The following GCC2 variants were observed in gnomAD, a reference collection of about 807,000 sequenced individuals.
GCC2 encodes GRIP and coiled-coil domain-containing protein 2.
GCC2 carries 120 observed loss-of-function variants against 210.6 expected under a neutral mutation model. That is an observed-to-expected ratio of 0.57 (90% CI 0.49 to 0.66). The LOEUF (loss-of-function observed/expected upper bound fraction) is 0.66, where lower values mean the gene tolerates loss of function less well. GCC2 is among the 30% of genes least tolerant of loss of function. The pLI is 0.00. For synonymous variants in GCC2, 703 were observed against 652.7 expected (o/e 1.08, Z -1.17); for missense variants, 1,868 against 1,871.9 (o/e 1.00, Z 0.04).
At chr2:108,457,193 ATTC>A (rs1316008472) in intron 4 of GCC2, among the ~76,000 whole-genome samples, 1 of 152,138 alleles carries the variant, frequency 6.6e-6, no homozygotes, top group Non-Finnish European at 1.5e-5. Flanking sequence ...ACTCACTTTC[ATTC>A]TTCTGCATAT....
intron 4 of GCC2, among the ~76,000 whole-genome samples, chr2:108,460,083 T>G (rs1369314049): frequency 1.3e-5 from 2 of 152,064 alleles, no homozygotes; most frequent in African/African-American, 4.8e-5. Context: ...GCTCCTGACC[T>G]CAGGTGATCC....
rs535928775 is a variant in GCC2 at position 108,465,538 on chromosome 2, A to T, written c.217-3442A>T. 3.3e-5 allele frequency among the ~76,000 whole-genome samples: 5 copies of T among 152,300 alleles called. No individual in the cohort carries two copies. The East Asian group carries it at 9.6e-4, about 29-fold the overall frequency. ...CTCTTTTGCATCTCTAACATCCATTATATCACTCTGTATGGCTTTGCATAC... is the reference window on the plus strand; with the variant it reads ...CTCTTTTGCATCTCTAACATCCATTTTATCACTCTGTATGGCTTTGCATAC... On this transcript the variant is annotated intron_variant, in intron 4 of 22. Transcript: ENST00000309863.
intron 4 of GCC2, among the ~76,000 whole-genome samples, chr2:108,459,513 C>T (rs1219224394): frequency 6.6e-6 from 1 of 151,956 alleles, no homozygotes; most frequent in African/African-American, 2.4e-5. Context: ...GGTCTAAAGT[C>T]TGGTTTAAAT....
intron 17 of GCC2, among the ~76,000 whole-genome samples, chr2:108,488,417 C>T (rs892414434): frequency 5.9e-5 from 9 of 152,044 alleles, no homozygotes; most frequent in African/African-American, 1.5e-4. Context: ...AAGATCTTGT[C>T]GTGGTAGAAA....
At chr2:108,493,852 G>A (rs1197007539) in intron 19 of GCC2, 5 of 985,270 alleles carry the variant, frequency 5.1e-6, no homozygotes, top group Non-Finnish European at 6.0e-6. Flanking sequence ...ATCAGCAGTG[G>A]AATAAGCAGT....
chr2:108,449,674 G>A lies in GCC2; in HGVS notation c.48G>A (p.Gly16=). The A allele has an allele frequency of 6.2e-7, 1 of 1,613,596 alleles. No homozygotes were observed. Among genetic ancestry groups the A allele is most frequent in the Non-Finnish European group, 8.5e-7 (1 of 1,179,570 alleles). Residue 16 remains glycine (G), a synonymous_variant, in exon 2 of 23, where the codon GGG becomes GGA. Coordinates refer to ENST00000309863, the MANE Select transcript of GCC2 (RefSeq NM_181453.4). ...GGGTGGCTTCACCAGCTACCCCTGGGACCGGGAAATCTAAGGTGAAGAGAA... is the reference window on the plus strand; with the variant it reads ...GGGTGGCTTCACCAGCTACCCCTGGAACCGGGAAATCTAAGGTGAAGAGAA... ...QDGVASPATP[G]TGKSKLETLP...
intron 19 of GCC2, chr2:108,494,645 T>C (rs1442280188): frequency 6.6e-6 from 1 of 152,178 alleles, no homozygotes; most frequent in African/African-American, 2.4e-5. Flanking sequence ...TCTTTTAATT[T>C]TGGCCAGTAT....
intron 18 of GCC2, among the ~76,000 whole-genome samples, chr2:108,490,979 T>G (rs1226308320): frequency 6.6e-6 from 1 of 152,200 alleles, no homozygotes; most frequent in Non-Finnish European, 1.5e-5. Flanking sequence ...GAGTCTTTCC[T>G]CTTCTTCAGA....
At position 108,471,863 on chromosome 2, in the gene GCC2, A is replaced by G. The variant is rs1681244700; in HGVS notation, c.2534A>G (p.Lys845Arg). The G allele has an allele frequency of 1.9e-6, 3 of 1,612,014 alleles. 1 individual carries two copies. Among genetic ancestry groups the G allele is most frequent in the African/African-American group, 2.7e-5 (2 of 74,814 alleles). The change falls in exon 6 of 23, where the codon AAA (lysine) becomes AGA (arginine). Residue 845 changes from lysine to arginine, a missense_variant. Physicochemically the swap from Lys to Arg is conservative, Grantham distance 26 (BLOSUM62 2). Coordinates refer to ENST00000309863, the MANE Select transcript of GCC2 (RefSeq NM_181453.4). Reference sequence around the variant, plus strand: ...GAGCAAGAGAAAGTTCTCTTAAGGAAAGAGTTAGAAGAAATACAGTCAGAA... The same window carrying G: ...GAGCAAGAGAAAGTTCTCTTAAGGAGAGAGTTAGAAGAAATACAGTCAGAA... ...DYEQEKVLLR[K>R]ELEEIQSEKE...
At chr2:108,454,953 C>T (rs866871632) in intron 4 of GCC2, among the ~76,000 whole-genome samples, 4 of 141,798 alleles carry the variant, frequency 2.8e-5, no homozygotes, top group African/African-American at 7.8e-5. Flanking sequence ...AGTGCAGTGG[C>T]GTGATCTCCG....
intron 9 of GCC2, among the ~76,000 whole-genome samples, chr2:108,476,916 G>GA (rs897005463): frequency 6.6e-6 from 1 of 151,494 alleles, no homozygotes; most frequent in Admixed American, 6.6e-5. Flanking sequence ...GGGATTTGAT[G>GA]AAAAAAAATA....
rs748191151 is a variant in GCC2, at chr2:108,475,756, A to G, written c.2966A>G (p.Gln989Arg). Residue 989 changes from glutamine (Q) to arginine (R), a missense_variant, in exon 9 of 23, where the codon CAG becomes CGG. Physicochemically the swap from Gln to Arg is conservative, Grantham distance 43 (BLOSUM62 1). This residue lies in a region of GCC2 where 1,847 missense variants were observed against 1,765.2 expected (regional missense o/e 1.05). Transcript: ENST00000309863. ...TTTTACTTGTGTTTAAAACAGACCC[A>G]GACTGTGAAGGAAGAACTTGAATCT... ...KELDSSRKET[Q>R]TVKEELESLR... 2 of 1,597,614 alleles carry G rather than the reference A, an allele frequency of 1.3e-6. No individual in the cohort carries two copies. The highest frequency in any genetic ancestry group is 1.7e-6 in the Non-Finnish European group (2 of 1,170,326).
intron 9 of GCC2, among the ~76,000 whole-genome samples, chr2:108,479,889 G>A (rs1681748566): frequency 6.7e-6 from 1 of 149,642 alleles, no homozygotes; most frequent in African/African-American, 2.5e-5. Flanking sequence ...GGCTGAGGCA[G>A]GAGAATCATT....
At chr2:108,460,467 CTT>C (rs1558731694) in intron 4 of GCC2, among the ~76,000 whole-genome samples, 2 of 152,034 alleles carry the variant, frequency 1.3e-5, no homozygotes, top group African/African-American at 4.8e-5. Flanking sequence ...GGTTTGCTGT[CTT>C]TTTATGGTAG....
At chr2:108,462,852 C>T (rs11543508) in intron 4 of GCC2, among the ~76,000 whole-genome samples, 4 of 151,034 alleles carry the variant, frequency 2.6e-5, no homozygotes, top group Admixed American at 2.0e-4. Context: ...CATGAGCCAC[C>T]GCATCTGGCC....
chr2:108,500,858 A>G (rs993699420), intron 22 of GCC2, among the ~76,000 whole-genome samples: 2 of 152,044 alleles, frequency 1.3e-5, no homozygotes, highest in Non-Finnish European at 2.9e-5. Flanking sequence ...GAATAATTCA[A>G]TGTTTATTGG....
chr2:108,498,196 T>TTTTTC, intron 21 of GCC2, among the ~76,000 whole-genome samples: 1 of 123,444 alleles, frequency 8.1e-6, no homozygotes, highest in Non-Finnish European at 1.7e-5. Flanking sequence ...TTTTTTTTTT[T>TTTTTC]TTTTTTTTTT....
At chr2:108,501,287 T>G (rs574831034) in intron 22 of GCC2, among the ~76,000 whole-genome samples, 1 of 152,138 alleles carries the variant, frequency 6.6e-6, no homozygotes, top group South Asian at 2.1e-4. Flanking sequence ...GCCCAGCCAT[T>G]TTGTTGTTTT....
rs1410999824 is a variant in GCC2, at chr2:108,493,319, A to T, written c.4447+529A>T. 4 of 663,500 alleles carry T rather than the reference A, an allele frequency of 6.0e-6. No homozygotes were observed. In the East Asian group the frequency reaches 5.2e-4, roughly 86 times the overall value. 41.1% of individuals were successfully genotyped at this position (663,500 alleles called of 1,614,324 possible). On this transcript the variant is annotated intron_variant, in intron 19 of 22. Transcript: ENST00000309863. Reference sequence around the variant, plus strand: ...TAGCCAGGATAGTCTCGATCTCCTGACCTCGTGATCCACCCGCCTCGGCCT... The same window carrying T: ...TAGCCAGGATAGTCTCGATCTCCTGTCCTCGTGATCCACCCGCCTCGGCCT...
Sources: allele counts gnomAD v4.1 joint callset (sites outside exome capture counted in the v4.1 genomes callset), GRCh38; gene constraint gnomAD v4.1.1; regional missense constraint gnomAD v4.1.1; transcripts MANE v1.5; gene names NCBI Gene and HGNC (gene_info 2026-07-23, HGNC 2026-07-21).